SRGAP2: variants seen among roughly 807,000 people sequenced by gnomAD.
SRGAP2 encodes SLIT-ROBO Rho GTPase activating protein 2, also known as SLIT-ROBO Rho GTPase-activating protein 2.
Under a neutral mutation model 57.2 loss-of-function variants are expected in SRGAP2, and 15 were observed. The observed-to-expected ratio is 0.26, with a 90% CI of 0.18 to 0.40. The LOEUF (loss-of-function observed/expected upper bound fraction) is 0.40. Ranked by LOEUF, SRGAP2 falls within the 10% of genes least tolerant of loss-of-function variation. The probability of loss-of-function intolerance (pLI) is 1.00; values close to 1 mark genes in which losing one functional copy is unlikely to be tolerated. For missense variants in SRGAP2, 520 were observed against 669.6 expected (o/e 0.78, Z 2.47); for synonymous variants, 249 against 248.0 (o/e 1.00, Z -0.04).
chr1:206,327,010 A>G (rs1673949449), intron 3 of SRGAP2, among the ~76,000 whole-genome samples: 1 of 152,144 alleles, frequency 6.6e-6, no homozygotes, highest in Non-Finnish European at 1.5e-5. Context: ...CCTGGGCAAC[A>G]GAGCAAGACC....
At chr1:206,255,919 T>C (rs1271771538) in intron 2 of SRGAP2, among the ~76,000 whole-genome samples, 14 of 149,716 alleles carry the variant, frequency 9.4e-5, no homozygotes, top group Non-Finnish European at 1.9e-4. Context: ...CTAGCTGTGC[T>C]ATGTGTTCGC....
At chr1:206,383,302 G>C (rs1558369796) in intron 4 of SRGAP2, among the ~76,000 whole-genome samples, 1 of 151,412 alleles carries the variant, frequency 6.6e-6, no homozygotes, top group African/African-American at 2.5e-5. Context: ...CGGGATTACA[G>C]GTGTGAGCCA....
chr1:206,437,086 C>G (rs782203276), intron 15 of SRGAP2, 44 bp downstream of exon 15: 2 of 779,344 alleles, frequency 2.6e-6, no homozygotes, highest in Non-Finnish European at 4.8e-6. Context: ...TTTGCCAGCC[C>G]CCTGGGGTAT....
chr1:206,443,058 A>C (rs1417585772), intron 17 of SRGAP2, among the ~76,000 whole-genome samples: 1 of 152,220 alleles, frequency 6.6e-6, no homozygotes, highest in Non-Finnish European at 1.5e-5. Context: ...AGGTAATTGC[A>C]TATCATTAAA....
chr1:206,452,655 G>C (rs373707235), intron 19 of SRGAP2, among the ~76,000 whole-genome samples: 1 of 152,122 alleles, frequency 6.6e-6, no homozygotes, highest in East Asian at 1.9e-4. Flanking sequence ...TTGGGAGGCC[G>C]AGGCAGGCAG....
intron 3 of SRGAP2, among the ~76,000 whole-genome samples, chr1:206,341,273 T>C (rs1675167803): frequency 1.3e-5 from 2 of 152,240 alleles, no homozygotes; most frequent in South Asian, 4.1e-4. Context: ...CAACTCACTT[T>C]CTTTGTAGTA....
chr1:206,319,028 T>C (rs1156890506), intron 3 of SRGAP2, among the ~76,000 whole-genome samples: 2 of 152,198 alleles, frequency 1.3e-5, no homozygotes, highest in Non-Finnish European at 2.9e-5. Context: ...TTTTATGATA[T>C]ACTGATTAAT....
At chr1:206,267,970 C>G (rs1170867358) in intron 2 of SRGAP2, among the ~76,000 whole-genome samples, 1 of 148,890 alleles carries the variant, frequency 6.7e-6, no homozygotes. Context: ...ATAAAATTCT[C>G]TACAGTGTGA....
At chr1:206,273,705 A>G (rs1340730872) in intron 2 of SRGAP2, among the ~76,000 whole-genome samples, 1 of 149,916 alleles carries the variant, frequency 6.7e-6, no homozygotes, top group Non-Finnish European at 1.5e-5. Flanking sequence ...CTCAGAAAAG[A>G]TTGTTCTAAT....
chr1:206,256,305 A>G (rs1184233246), intron 2 of SRGAP2, among the ~76,000 whole-genome samples: 5 of 152,200 alleles, frequency 3.3e-5, no homozygotes, highest in Non-Finnish European at 1.5e-5. Flanking sequence ...TCCCAGCTGA[A>G]CAATTTGGGA....
Position 206,454,777 on chromosome 1 carries a change from G to A in SRGAP2, c.2361-101G>A, listed in dbSNP as rs1572200372. On this transcript the variant is annotated intron_variant, in intron 20 of 22. Coordinates refer to ENST00000573034, the MANE Select transcript of SRGAP2 (RefSeq NM_015326.5). The surrounding 1 kb of genome is among the most constrained non-coding windows in gnomAD (Gnocchi z 4.3). ...GTCGCTGCTGCCTCAGAGCTGTGTG[G>A]GGTCGCGTGTATGTCGGGGGGCCAT... is the stretch of plus-strand genomic sequence containing the variant. The A allele has an allele frequency of 1.6e-6, 1 of 635,454 alleles. No homozygotes were observed. The highest frequency in any genetic ancestry group is 2.8e-6 in the Non-Finnish European group (1 of 352,190). The allele number at this position is 635,454 out of a possible 1,614,324, so 39.4% of individuals were successfully genotyped here. A position where few individuals can be genotyped will look rare whatever the true frequency, so the allele number is the denominator to read the frequency against.
intron 4 of SRGAP2, among the ~76,000 whole-genome samples, chr1:206,372,897 TC>T (rs1654660472): frequency 3.4e-5 from 1 of 29,154 alleles, no homozygotes; most frequent in East Asian, 2.0e-3. Flanking sequence ...TCTTTCTCTC[TC>T]CTTTCTTTCT....
intron 21 of SRGAP2, chr1:206,455,378 G>A (rs145199769): frequency 1.8e-5 from 5 of 275,110 alleles, no homozygotes; most frequent in Non-Finnish European, 2.8e-5. Flanking sequence ...TTTCTCAGAG[G>A]TGCCTTCTTT....
intron 2 of SRGAP2, chr1:206,214,746 C>T (rs1666537698): frequency 6.8e-6 from 1 of 148,046 alleles, no homozygotes; most frequent in East Asian, 2.0e-4. Context: ...GAGCCGAGAT[C>T]GTGCCCTTGC....
At chr1:206,451,326 T>C (rs1553375850) in intron 19 of SRGAP2, among the ~76,000 whole-genome samples, 1 of 152,026 alleles carries the variant, frequency 6.6e-6, no homozygotes, top group African/African-American at 2.4e-5. Context: ...AGGGGAGGAA[T>C]GCTCAGCTGT....
At chr1:206,425,566 G>A (rs897222906) in intron 13 of SRGAP2, among the ~76,000 whole-genome samples, 2 of 151,864 alleles carry the variant, frequency 1.3e-5, no homozygotes, top group Admixed American at 6.6e-5. Flanking sequence ...ACAGGGTCTC[G>A]TTCTGTTGCG....
At chr1:206,359,916 C>G (rs1242714674) in intron 4 of SRGAP2, among the ~76,000 whole-genome samples, 4 of 144,144 alleles carry the variant, frequency 2.8e-5, no homozygotes, top group African/African-American at 1.0e-4. Flanking sequence ...ACGCCATTCT[C>G]CTGCCTCAGC....
chr1:206,359,031 GA>G (rs1355695689), intron 4 of SRGAP2, among the ~76,000 whole-genome samples: 1 of 152,204 alleles, frequency 6.6e-6, no homozygotes, highest in Non-Finnish European at 1.5e-5. Flanking sequence ...TCATAGAGGG[GA>G]AAGAATTGGG....
At chr1:206,435,956 C>A (rs1289453142) in intron 14 of SRGAP2, among the ~76,000 whole-genome samples, 3 of 152,126 alleles carry the variant, frequency 2.0e-5, no homozygotes, top group Non-Finnish European at 2.9e-5. Context: ...AAGCTGTAGT[C>A]AGGAACCAGT....
Sources: allele counts gnomAD v4.1 joint callset (sites outside exome capture counted in the v4.1 genomes callset), GRCh38; gene constraint gnomAD v4.1.1; non-coding constraint Gnocchi (gnomAD v3.1); transcripts MANE v1.5; gene names NCBI Gene and HGNC (gene_info 2026-07-23, HGNC 2026-07-21).